Variants in LTBP1 observed in about 807,000 individuals in gnomAD.
LTBP1 encodes the protein latent transforming growth factor beta binding protein 1, also known as latent-transforming growth factor beta-binding protein 1.
LTBP1 carries 129 observed loss-of-function variants against 207.6 expected under a neutral mutation model. The ratio of observed to expected loss-of-function variants is 0.62; its 90% CI spans 0.54 to 0.72. The LOEUF is 0.72. LTBP1 is among the 30% of genes least tolerant of loss of function. The pLI is 0.00. For missense variants in LTBP1, 2,281 were observed against 2,217.2 expected (o/e 1.03, Z -0.58); for synonymous variants, 963 against 833.7 (o/e 1.16, Z -2.67).
At chr2:33,333,451 G>T (rs2149513411) in intron 24 of LTBP1, among the ~76,000 whole-genome samples, 1 of 152,254 alleles carries the variant, frequency 6.6e-6, no homozygotes, top group East Asian at 1.9e-4. Context: ...GGTAGCTCAG[G>T]CTAGAGCAGT....
intron 3 of LTBP1, among the ~76,000 whole-genome samples, chr2:33,036,526 C>G (rs1270642183): frequency 1.3e-5 from 2 of 151,720 alleles, no homozygotes; most frequent in Non-Finnish European, 2.9e-5. Context: ...GGGGCAATCT[C>G]AGCTCACTGC....
intron 4 of LTBP1, among the ~76,000 whole-genome samples, chr2:33,127,656 G>C (rs2081515215): frequency 1.3e-5 from 2 of 152,194 alleles, no homozygotes; most frequent in Admixed American, 1.3e-4. Flanking sequence ...TCTTTGGCCT[G>C]ACTGAGGCCA....
At position 33,110,422 on chromosome 2, in the gene LTBP1, T is replaced by C. The variant is rs1190349847; in HGVS notation, c.864-160T>C. 2.0e-5 allele frequency among the ~76,000 whole-genome samples: 3 copies of C among 152,206 alleles called. No individual in the cohort carries two copies. In the East Asian group the frequency reaches 5.8e-4, roughly 29 times the overall value. On this transcript the variant is annotated intron_variant, in intron 3 of 33. Coordinates refer to ENST00000404816, the MANE Select transcript of LTBP1 (RefSeq NM_206943.4). ...GTAAGCCATCATTTACCTCCTTCTA[T>C]GTCATGAGTGGTCAGCGACAGTATT...
intron 26 of LTBP1, 35 bp downstream of exon 26, chr2:33,347,545 G>A (rs748053695): frequency 6.2e-7 from 1 of 1,612,426 alleles, no homozygotes; most frequent in South Asian, 1.1e-5. Flanking sequence ...GGGAATGACA[G>A]GCTCCTCTCA....
chr2:33,267,999 C>G (rs2148207092), intron 15 of LTBP1, among the ~76,000 whole-genome samples: 1 of 152,290 alleles, frequency 6.6e-6, no homozygotes, highest in South Asian at 2.1e-4. Flanking sequence ...TTCCAAGAAA[C>G]AAGTGATGCA....
rs561278018 is a variant in LTBP1 at position 33,356,010 on chromosome 2, G to A, written c.4001-4587G>A. Among the ~76,000 whole-genome samples, 9 of 150,860 alleles carry A rather than the reference G, an allele frequency of 6.0e-5. No individual in the cohort carries two copies. In the Middle Eastern group the frequency reaches 0.014, roughly 228 times the overall value. On this transcript the variant is annotated intron_variant, in intron 26 of 33. Coordinates refer to ENST00000404816, the MANE Select transcript of LTBP1 (RefSeq NM_206943.4). ...CTGAAGTTATCCACTTTCTGTTACC[G>A]AACACCAGGGGTTTGGTCTAGGTTC...
chr2:33,379,969 T>C (rs948426125), intron 31 of LTBP1, among the ~76,000 whole-genome samples: 4 of 152,214 alleles, frequency 2.6e-5, no homozygotes, highest in Non-Finnish European at 4.4e-5. Context: ...TAAAATACGT[T>C]AAAACACAAT....
At chr2:33,084,411 C>T (rs2078627710) in intron 3 of LTBP1, among the ~76,000 whole-genome samples, 1 of 152,028 alleles carries the variant, frequency 6.6e-6, no homozygotes. Flanking sequence ...TGGTGGGAGG[C>T]GTCCTGGAGG....
At chr2:33,078,857 C>CTTTTTTTTTTTTTTTTTTTTTTTT (rs879714056) in intron 3 of LTBP1, among the ~76,000 whole-genome samples, 4 of 92,158 alleles carry the variant, frequency 4.3e-5, no homozygotes, top group Non-Finnish European at 4.5e-5. Context: ...CTTTTCTTTT[C>CTTTTTTTTTTTTTTTTTTTTTTTT]TTTTCTTTTT....
intron 9 of LTBP1, among the ~76,000 whole-genome samples, chr2:33,228,185 C>G (rs2091562169): frequency 6.6e-6 from 1 of 152,062 alleles, no homozygotes; most frequent in East Asian, 1.9e-4. Context: ...TGTAGTGATT[C>G]ATGATAAACT....
intron 2 of LTBP1, among the ~76,000 whole-genome samples, chr2:33,018,431 T>C (rs1363680881): frequency 6.6e-6 from 1 of 152,050 alleles, no homozygotes. Context: ...AGAAACATGT[T>C]TCTAATTGAA....
chr2:33,068,700 A>G (rs986292731), intron 3 of LTBP1, among the ~76,000 whole-genome samples: 1 of 152,212 alleles, frequency 6.6e-6, no homozygotes, highest in African/African-American at 2.4e-5. Flanking sequence ...TTGAGTCCCA[A>G]TTAAGCAAAT....
At chr2:33,089,552 C>A (rs769649167) in intron 3 of LTBP1, among the ~76,000 whole-genome samples, 1 of 152,288 alleles carries the variant, frequency 6.6e-6, no homozygotes, top group South Asian at 2.1e-4. Flanking sequence ...AATTACCTGG[C>A]ACTAAGTGCC....
chr2:33,282,195 T>A (rs2093572472), intron 19 of LTBP1, among the ~76,000 whole-genome samples: 1 of 152,046 alleles, frequency 6.6e-6, no homozygotes, highest in South Asian at 2.1e-4. Context: ...ATTTCTCAAT[T>A]CAGCCAAAGT....
At chr2:33,300,704 G>A (rs180858681) in intron 21 of LTBP1, 131 bp downstream of exon 21, 1 of 919,902 alleles carries the variant, frequency 1.1e-6, no homozygotes, top group East Asian at 3.1e-5. Flanking sequence ...CAGAAAGCCA[G>A]GACTTAAACA....
chr2:33,365,189 A>G, intron 30 of LTBP1, 144 bp from the exon 31 acceptor site: 1 of 680,970 alleles, frequency 1.5e-6, no homozygotes, highest in South Asian at 1.9e-5. Context: ...TGATCCATTG[A>G]AAGACCAGAC....
chr2:33,156,680 A>G (rs2084002620), intron 5 of LTBP1, among the ~76,000 whole-genome samples: 1 of 152,110 alleles, frequency 6.6e-6, no homozygotes, highest in African/African-American at 2.4e-5. Context: ...AAATGCAACT[A>G]TATAACTATA....
chr2:33,356,964 C>T (rs982398445), intron 26 of LTBP1, among the ~76,000 whole-genome samples: 29 of 152,102 alleles, frequency 1.9e-4, no homozygotes, highest in African/African-American at 6.8e-4. Context: ...CAGTGTTACT[C>T]TTGGGTCATT....
At chr2:33,388,887 G>A (rs2150566985) in intron 31 of LTBP1, among the ~76,000 whole-genome samples, 1 of 152,342 alleles carries the variant, frequency 6.6e-6, no homozygotes, top group Non-Finnish European at 1.5e-5. Context: ...AGCACTCTCA[G>A]ATGGCTCCGT....
Sources: allele counts gnomAD v4.1 joint callset (sites outside exome capture counted in the v4.1 genomes callset), GRCh38; gene constraint gnomAD v4.1.1; transcripts MANE v1.5; gene names NCBI Gene and HGNC (gene_info 2026-07-23, HGNC 2026-07-21).